The following CSMD1 variants were observed in gnomAD, a reference collection of about 807,000 sequenced individuals.
CSMD1 encodes the protein CUB and sushi domain-containing protein 1.
In CSMD1, 213 loss-of-function variants were observed where a neutral mutation model predicts 417.5. The observed-to-expected ratio is 0.51, with a 90% CI of 0.46 to 0.57. The LOEUF is 0.57. Ranked by LOEUF, CSMD1 falls within the 20% of genes least tolerant of loss-of-function variation. The pLI is 0.00. For missense variants in CSMD1, 6,923 were observed against 4,529.7 expected, an observed-to-expected ratio of 1.53 and a Z score of -15.17; for synonymous variants, 2,862 against 1,736.8, an observed-to-expected ratio of 1.65 and a Z score of -16.11.
intron 2 of CSMD1, among the ~76,000 whole-genome samples, chr8:4,432,762 T>C (rs191879886): frequency 1.3e-5 from 2 of 152,186 alleles, no homozygotes; most frequent in African/African-American, 4.8e-5. Context: ...ATAGAGGAAA[T>C]AAAAATATAT....
chr8:4,333,561 A>G (rs555751050), intron 3 of CSMD1, among the ~76,000 whole-genome samples: 4 of 152,314 alleles, frequency 2.6e-5, no homozygotes, highest in African/African-American at 9.6e-5. Flanking sequence ...GCACACCATG[A>G]CATGCAATAT....
At chr8:4,628,439 C>CATGT (rs2130834539) in intron 2 of CSMD1, among the ~76,000 whole-genome samples, 1 of 146,200 alleles carries the variant, frequency 6.8e-6, no homozygotes, top group African/African-American at 2.5e-5. Flanking sequence ...CACATATACA[C>CATGT]ATATATACAC....
intron 38 of CSMD1, among the ~76,000 whole-genome samples, chr8:3,159,897 G>A (rs533811648): frequency 6.6e-6 from 1 of 152,082 alleles, no homozygotes; most frequent in African/African-American, 2.4e-5. Context: ...TAAAAGAACG[G>A]CAACAGAATC....
At chr8:3,555,548 A>G (rs114228124) in intron 10 of CSMD1, among the ~76,000 whole-genome samples, 304 of 152,298 alleles carry the variant, frequency 2.0e-3, no homozygotes, top group African/African-American at 6.9e-3. Flanking sequence ...GGTGAACTTA[A>G]ACGCTTGCTT....
rs533530158 is a variant in CSMD1 at position 3,618,471 on chromosome 8, G to C, written c.1010-1674C>G. On this transcript the variant is annotated intron_variant, in intron 7 of 69. Coordinates refer to ENST00000635120, the MANE Select transcript of CSMD1 (RefSeq NM_033225.6). The stretch of plus-strand genomic sequence containing the variant: ...TATTTTTATTTCTTTTTTAAAATAA[G>C]TTTTTTTTAATAACATCTAAACATT... Among the ~76,000 whole-genome samples, 3 of 151,696 alleles carry C rather than the reference G, an allele frequency of 2.0e-5. No homozygotes were observed. The East Asian group carries it at 5.8e-4, about 29-fold the overall frequency.
At chr8:4,150,355 G>C (rs1219344138) in intron 3 of CSMD1, among the ~76,000 whole-genome samples, 2 of 152,188 alleles carry the variant, frequency 1.3e-5, no homozygotes, top group South Asian at 2.1e-4. Flanking sequence ...TTCTAACTCA[G>C]TGTCTGCAGC....
chr8:3,164,648 A>G (rs1381652526), intron 37 of CSMD1, among the ~76,000 whole-genome samples: 1 of 152,174 alleles, frequency 6.6e-6, no homozygotes, highest in African/African-American at 2.4e-5. Flanking sequence ...AATTTTAACT[A>G]CAGTCGGGAA....
At chr8:3,817,172 C>G (rs1360839663) in intron 5 of CSMD1, among the ~76,000 whole-genome samples, 1 of 150,242 alleles carries the variant, frequency 6.7e-6, no homozygotes, top group Non-Finnish European at 1.5e-5. Context: ...AGAGACGACC[C>G]CTCCCCCTCC....
chr8:4,350,891 T>C (rs1015856704), intron 3 of CSMD1, among the ~76,000 whole-genome samples: 9 of 152,224 alleles, frequency 5.9e-5, no homozygotes, highest in Non-Finnish European at 5.9e-5. Flanking sequence ...GGAAAGGATG[T>C]GCATTCTAAG....
chr8:4,395,303 A>T (rs779145036), intron 3 of CSMD1, among the ~76,000 whole-genome samples: 3 of 152,220 alleles, frequency 2.0e-5, no homozygotes, highest in African/African-American at 2.4e-5. Flanking sequence ...CTAATTCTTC[A>T]TAACTTCAGC....
rs117219195 is a variant in CSMD1 at position 4,908,209 on chromosome 8, G to C, written c.85+86123C>G. 6.2e-3 allele frequency among the ~76,000 whole-genome samples: 942 copies of C among 152,224 alleles called. 8 individuals are homozygous for C. Among genetic ancestry groups the C allele is most frequent in the Middle Eastern group, 0.01 (3 of 294 alleles). ...CATTCTCTTCTTGTTTGCAGTTTCT[G>C]ATAAGAAATTTGCTGCAGTGTTTAT... On this transcript the variant is annotated intron_variant, in intron 1 of 69. Transcript: ENST00000635120.
chr8:4,531,430 T>A (rs1796813133), intron 2 of CSMD1, among the ~76,000 whole-genome samples: 1 of 152,222 alleles, frequency 6.6e-6, no homozygotes, highest in African/African-American at 2.4e-5. Flanking sequence ...TATTGATTGC[T>A]TTCGGTGAGT....
chr8:4,006,674 A>C (rs956104249), intron 4 of CSMD1, among the ~76,000 whole-genome samples: 1 of 152,188 alleles, frequency 6.6e-6, no homozygotes, highest in Non-Finnish European at 1.5e-5. Flanking sequence ...TTTTCCTTTT[A>C]ATCTGCACAT....
intron 1 of CSMD1, among the ~76,000 whole-genome samples, chr8:4,810,841 T>A (rs1798857006): frequency 6.6e-6 from 1 of 152,168 alleles, no homozygotes; most frequent in South Asian, 2.1e-4. Context: ...ATAAATTAGT[T>A]CAAAGAGATC....
intron 54 of CSMD1, among the ~76,000 whole-genome samples, chr8:2,993,143 T>A (rs1806548500): frequency 6.6e-6 from 1 of 152,208 alleles, no homozygotes; most frequent in Non-Finnish European, 1.5e-5. Context: ...TTTTACTCAT[T>A]AAAAACTGCT....
chr8:3,767,760 A>G (rs948874816), intron 5 of CSMD1, among the ~76,000 whole-genome samples: 2 of 152,214 alleles, frequency 1.3e-5, no homozygotes, highest in African/African-American at 2.4e-5. Flanking sequence ...TAAAACATTA[A>G]TGACACTCAG....
intron 2 of CSMD1, among the ~76,000 whole-genome samples, chr8:4,446,675 C>A (rs755069968): frequency 6.6e-6 from 1 of 151,992 alleles, no homozygotes; most frequent in East Asian, 1.9e-4. Context: ...GTCTCAGTCT[C>A]CTGAGTAGCT....
At chr8:4,084,507 C>T (rs1800315448) in intron 3 of CSMD1, among the ~76,000 whole-genome samples, 3 of 152,038 alleles carry the variant, frequency 2.0e-5, no homozygotes, top group South Asian at 4.1e-4. Flanking sequence ...ACATTTTAAT[C>T]CTGTTTTTAT....
At chr8:3,267,799 A>G (rs1801542396) in intron 26 of CSMD1, among the ~76,000 whole-genome samples, 1 of 152,138 alleles carries the variant, frequency 6.6e-6, no homozygotes, top group Admixed American at 6.6e-5. Flanking sequence ...CAAGGGGTGC[A>G]GAGGCCGGGG....
Sources: gnomAD v4.1 joint callset for allele counts (sites outside exome capture counted in the v4.1 genomes callset) on GRCh38, gnomAD v4.1.1 for gene constraint, MANE v1.5 for transcripts, NCBI Gene and HGNC (gene_info 2026-07-23, HGNC 2026-07-21) for gene names.